Variants in GSDMC observed in about 807,000 individuals in gnomAD.
GSDMC encodes gasdermin-C.
In GSDMC, 59 loss-of-function variants were observed where a neutral mutation model predicts 58.0. The observed-to-expected ratio is 1.02, with a 90% confidence interval of 0.82 to 1.26. The LOEUF (loss-of-function observed/expected upper bound fraction) is 1.26, where lower values mean the gene tolerates loss of function less well. Ranked by LOEUF, GSDMC falls within the 50% of genes most tolerant of loss-of-function variation. The pLI, the probability that GSDMC is intolerant of heterozygous loss-of-function variation, is 0.00. For missense variants in GSDMC, 659 were observed against 598.5 expected (o/e 1.10, Z -1.06); for synonymous variants, 241 against 220.2 (o/e 1.09, Z -0.83).
At chr8:129,732,669 A>G in the GSDMC span, among the ~76,000 whole-genome samples, 6 of 152,198 alleles carry the variant, frequency 3.9e-5, no homozygotes, top group African/African-American at 1.4e-4. Flanking sequence ...AATCAACACA[A>G]AGAAACTTCT....
At chr8:129,772,064 A>G (rs576888495) in intron 3 of GSDMC, among the ~76,000 whole-genome samples, 4 of 152,138 alleles carry the variant, frequency 2.6e-5, no homozygotes, top group African/African-American at 4.8e-5. Context: ...GGAGATCGAG[A>G]CCATCCTGGC....
intron 5 of GSDMC, among the ~76,000 whole-genome samples, chr8:129,761,429 T>C (rs1470522603): frequency 6.6e-6 from 1 of 152,186 alleles, no homozygotes; most frequent in Admixed American, 6.5e-5. Flanking sequence ...TTCCCCTCTT[T>C]GCATTCACAC....
At chr8:129,738,736 A>G in the GSDMC span, among the ~76,000 whole-genome samples, 1 of 152,164 alleles carries the variant, frequency 6.6e-6, no homozygotes, top group Admixed American at 6.5e-5. Context: ...GCACACCAAC[A>G]TGGCTTATGT....
chr8:129,734,567 A>C, the GSDMC span, among the ~76,000 whole-genome samples: 31 of 152,222 alleles, frequency 2.0e-4, no homozygotes, highest in Non-Finnish European at 3.4e-4. Context: ...TTTCATATCC[A>C]GCCAAACTAA....
chr8:129,769,548 C>G (rs1217908241), intron 3 of GSDMC, among the ~76,000 whole-genome samples: 1 of 152,090 alleles, frequency 6.6e-6, no homozygotes, highest in Non-Finnish European at 1.5e-5. Flanking sequence ...TGGTGAAAAG[C>G]AGAAGCAAAC....
the GSDMC span, among the ~76,000 whole-genome samples, chr8:129,732,689 T>C: frequency 6.6e-6 from 1 of 152,178 alleles, no homozygotes; most frequent in Non-Finnish European, 1.5e-5. Context: ...TAAAGGATTC[T>C]CTTCCAAGAT....
rs554039958 is a variant in GSDMC at position 129,780,855 on chromosome 8, G to A, written c.-4-3264C>T. On this transcript the variant is annotated intron_variant, in intron 1 of 13. Transcript: ENST00000276708. The stretch of plus-strand genomic sequence containing the variant: ...CAACTTTCAAGACATAGTACCACAG[G>A]ACATAAAGACAAACAACAAACAGAT... Among the ~76,000 whole-genome samples, 25 of 152,182 alleles carry A rather than the reference G, an allele frequency of 1.6e-4. 1 individual carries two copies. The South Asian group carries it at 5.2e-3, about 32-fold the overall frequency.
At chr8:129,773,561 G>A (rs1429371884) in intron 3 of GSDMC, among the ~76,000 whole-genome samples, 1 of 151,976 alleles carries the variant, frequency 6.6e-6, no homozygotes, top group Non-Finnish European at 1.5e-5. Flanking sequence ...GAGGCGGGTG[G>A]ATCACCTGAG....
intron 2 of GSDMC, among the ~76,000 whole-genome samples, chr8:129,777,152 G>C (rs1199730654): frequency 6.6e-6 from 1 of 152,156 alleles, no homozygotes; most frequent in Non-Finnish European, 1.5e-5. Flanking sequence ...CTCACCTCAT[G>C]AGCCTGATAC....
At chr8:129,709,875 C>T in the GSDMC span, among the ~76,000 whole-genome samples, 3 of 152,186 alleles carry the variant, frequency 2.0e-5, no homozygotes, top group Admixed American at 6.5e-5. Flanking sequence ...TCCCCACTGG[C>T]GGCAGCGCTA....
In GSDMC at chr8:129,771,329, A is replaced by G. The variant is rs1307835206; in HGVS notation, c.404+4773T>C. 1.3e-5 allele frequency among the ~76,000 whole-genome samples: 2 copies of G among 152,170 alleles called. 1 individual carries two copies. Among genetic ancestry groups the G allele is most frequent in the African/African-American group, 4.8e-5 (2 of 41,462 alleles). Reference sequence around the variant, plus strand: ...ATTATAAACCAAATGAACCTAACAGACATATACAGAACATTCCATCTAACA... The same window carrying G: ...ATTATAAACCAAATGAACCTAACAGGCATATACAGAACATTCCATCTAACA... On this transcript the variant is annotated intron_variant, in intron 3 of 13. Transcript: ENST00000276708.
chr8:129,742,383 A>T, the GSDMC span, among the ~76,000 whole-genome samples: 1 of 152,160 alleles, frequency 6.6e-6, no homozygotes, highest in Non-Finnish European at 1.5e-5. Flanking sequence ...CCCCATAAAA[A>T]TATACAATTA....
intron 1 of GSDMC, among the ~76,000 whole-genome samples, chr8:129,780,264 C>G (rs1221442398): frequency 6.6e-6 from 1 of 152,008 alleles, no homozygotes; most frequent in African/African-American, 2.4e-5. Context: ...GAGTAAGATA[C>G]CAATATTCAA....
At chr8:129,710,257 T>C in the GSDMC span, among the ~76,000 whole-genome samples, 1 of 152,128 alleles carries the variant, frequency 6.6e-6, no homozygotes, top group Non-Finnish European at 1.5e-5. Flanking sequence ...CTCAAAGAAA[T>C]TTTGATGAAT....
chr8:129,780,979 G>A (rs891347254), intron 1 of GSDMC, among the ~76,000 whole-genome samples: 4 of 152,070 alleles, frequency 2.6e-5, no homozygotes, highest in Admixed American at 2.6e-4. Context: ...TTAAAATAAT[G>A]AGTTTTAAGA....
intron 6 of GSDMC, among the ~76,000 whole-genome samples, chr8:129,758,757 G>A (rs1274639992): frequency 6.6e-6 from 1 of 151,986 alleles, no homozygotes; most frequent in Non-Finnish European, 1.5e-5. Context: ...TCATGGATGG[G>A]AATAATTAAA....
the GSDMC span, among the ~76,000 whole-genome samples, chr8:129,739,540 C>A: frequency 6.6e-6 from 1 of 152,146 alleles, no homozygotes; most frequent in African/African-American, 2.4e-5. Context: ...CTGACAATGA[C>A]AGGCCACACG....
At chr8:129,759,668 A>G (rs776616998) in intron 6 of GSDMC, among the ~76,000 whole-genome samples, 6 of 152,206 alleles carry the variant, frequency 3.9e-5, no homozygotes, top group African/African-American at 7.2e-5. Flanking sequence ...ATGAGATATT[A>G]TCTCACCCCT....
At chr8:129,776,326 C>A in intron 2 of GSDMC, 41 bp from the exon 3 acceptor site, 1 of 1,487,362 alleles carries the variant, frequency 6.7e-7, no homozygotes, top group Middle Eastern at 1.8e-4. Flanking sequence ...GCCAAGAATT[C>A]ATTCAAGAAT....
Sources: allele counts gnomAD v4.1 joint callset (sites outside exome capture counted in the v4.1 genomes callset), GRCh38; gene constraint gnomAD v4.1.1; transcripts MANE v1.5; gene names NCBI Gene and HGNC (gene_info 2026-07-23, HGNC 2026-07-21).